SGCZ: variants seen among roughly 807,000 people sequenced by gnomAD.
SGCZ encodes zeta-sarcoglycan.
SGCZ carries 40 observed loss-of-function variants against 41.3 expected under a neutral mutation model. The observed-to-expected ratio is 0.97, with a 90% CI of 0.75 to 1.26. The LOEUF is 1.26. SGCZ is among the 50% of genes most tolerant of loss of function. The probability of loss-of-function intolerance (pLI) is 0.00; values close to 1 mark genes in which losing one functional copy is unlikely to be tolerated. For missense variants in SGCZ, 552 were observed against 369.8 expected (o/e 1.49, Z -4.04); for synonymous variants, 206 against 137.5 (o/e 1.50, Z -3.49).
intron 1 of SGCZ, among the ~76,000 whole-genome samples, chr8:15,152,553 C>G (rs1031005045): frequency 2.0e-5 from 3 of 152,126 alleles, no homozygotes; most frequent in African/African-American, 4.8e-5. Flanking sequence ...TTGTGAAACA[C>G]GACAGAAGAG....
intron 3 of SGCZ, among the ~76,000 whole-genome samples, chr8:14,273,715 A>G (rs1372813972): frequency 6.6e-6 from 1 of 152,092 alleles, no homozygotes; most frequent in Admixed American, 6.6e-5. Context: ...TCAATATCCA[A>G]CCTTAACCAA....
intron 1 of SGCZ, among the ~76,000 whole-genome samples, chr8:14,965,985 G>A (rs1362250904): frequency 6.6e-6 from 1 of 152,100 alleles, no homozygotes; most frequent in East Asian, 1.9e-4. Flanking sequence ...ATGCTCTCAA[G>A]CAGCACTGAA....
At chr8:14,850,783 G>C (rs1458237563) in intron 1 of SGCZ, among the ~76,000 whole-genome samples, 1 of 152,122 alleles carries the variant, frequency 6.6e-6, no homozygotes, top group Non-Finnish European at 1.5e-5. Context: ...ATGATAGTGA[G>C]TGAGTTCTCA....
chr8:14,725,733 C>A (rs1810027435), intron 1 of SGCZ, among the ~76,000 whole-genome samples: 1 of 152,098 alleles, frequency 6.6e-6, no homozygotes, highest in Admixed American at 6.5e-5. Flanking sequence ...GGAGTGTTTT[C>A]TGAGTAGTTA....
At chr8:14,458,096 G>C (rs1800801580) in intron 2 of SGCZ, among the ~76,000 whole-genome samples, 1 of 152,114 alleles carries the variant, frequency 6.6e-6, no homozygotes, top group South Asian at 2.1e-4. Flanking sequence ...AGCAATGTGA[G>C]AAAAGACTAG....
At chr8:14,475,608 A>G (rs1563353994) in intron 2 of SGCZ, among the ~76,000 whole-genome samples, 1 of 152,184 alleles carries the variant, frequency 6.6e-6, no homozygotes, top group Non-Finnish European at 1.5e-5. Flanking sequence ...TATTTACAAG[A>G]CAACTTTGTG....
rs73664120 is a variant in SGCZ at position 14,143,750 on chromosome 8, T to C, written c.547+20830A>G. 1.8e-3 allele frequency among the ~76,000 whole-genome samples: 278 copies of C among 152,196 alleles called. 2 individuals are homozygous for C. Among genetic ancestry groups the C allele is most frequent in the African/African-American group, 6.4e-3 (267 of 41,550 alleles). On this transcript the variant is annotated intron_variant, in intron 5 of 7. Transcript: ENST00000382080. ...GCATGAAGAGATAAAGAGCCCTAAA[T>C]GGTCAATGCCACCCTTCCCCTCTAC...
chr8:14,726,622 A>G (rs965787801), intron 1 of SGCZ, among the ~76,000 whole-genome samples: 1 of 151,984 alleles, frequency 6.6e-6, no homozygotes, highest in African/African-American at 2.4e-5. Flanking sequence ...CAATTTTGAG[A>G]AATTATTAAT....
At chr8:14,309,113 C>G (rs531512681) in intron 3 of SGCZ, 1 of 1,463,470 alleles carries the variant, frequency 6.8e-7, no homozygotes, top group East Asian at 2.3e-5. Context: ...TAACCCAGAA[C>G]ACTATATTAA....
chr8:14,589,686 T>C (rs1461302575), intron 1 of SGCZ, among the ~76,000 whole-genome samples: 1 of 152,214 alleles, frequency 6.6e-6, no homozygotes, highest in African/African-American at 2.4e-5. Flanking sequence ...ACATAGATAT[T>C]TCCTTCAGTG....
At chr8:14,817,222 G>C (rs1254100919) in intron 1 of SGCZ, among the ~76,000 whole-genome samples, 2 of 152,132 alleles carry the variant, frequency 1.3e-5, no homozygotes, top group Non-Finnish European at 2.9e-5. Flanking sequence ...AGAGGGGATG[G>C]AGGCACCTGC....
intron 1 of SGCZ, among the ~76,000 whole-genome samples, chr8:14,846,372 T>C (rs927741342): frequency 2.0e-5 from 3 of 151,576 alleles, no homozygotes; most frequent in African/African-American, 7.3e-5. Context: ...ACTTAATATA[T>C]ACAATTAAAA....
At chr8:14,150,746 A>G (rs973601175) in intron 5 of SGCZ, among the ~76,000 whole-genome samples, 8 of 152,180 alleles carry the variant, frequency 5.3e-5, no homozygotes, top group Non-Finnish European at 8.8e-5. Context: ...AGCATTGTTT[A>G]CAATAGTCAA....
At chr8:14,612,444 A>G (rs972890898) in intron 1 of SGCZ, among the ~76,000 whole-genome samples, 1 of 152,140 alleles carries the variant, frequency 6.6e-6, no homozygotes, top group Non-Finnish European at 1.5e-5. Context: ...AGGAAGTGTG[A>G]GTCAATTAAG....
chr8:14,412,850 A>T (rs1040367506), intron 2 of SGCZ, among the ~76,000 whole-genome samples: 1 of 152,204 alleles, frequency 6.6e-6, no homozygotes, highest in African/African-American at 2.4e-5. Flanking sequence ...TGACATTCTG[A>T]AACTTGATAG....
intron 1 of SGCZ, among the ~76,000 whole-genome samples, chr8:14,767,784 G>C (rs1217862487): frequency 6.6e-6 from 1 of 152,148 alleles, no homozygotes; most frequent in Non-Finnish European, 1.5e-5. Context: ...TTCAAATTCT[G>C]TGTAAAGCAC....
At chr8:14,624,743 G>C (rs183128562) in intron 1 of SGCZ, among the ~76,000 whole-genome samples, 13 of 151,030 alleles carry the variant, frequency 8.6e-5, no homozygotes, top group Admixed American at 4.0e-4. Flanking sequence ...GCTAATTTTT[G>C]TATTTTTAGT....
At chr8:14,592,497 A>G (rs903233466) in intron 1 of SGCZ, among the ~76,000 whole-genome samples, 2 of 152,060 alleles carry the variant, frequency 1.3e-5, no homozygotes, top group Non-Finnish European at 2.9e-5. Flanking sequence ...TATCTCTTCC[A>G]AGTTTTTATG....
intron 2 of SGCZ, among the ~76,000 whole-genome samples, chr8:14,514,974 T>C (rs1000682397): frequency 1.3e-5 from 2 of 151,950 alleles, no homozygotes; most frequent in Non-Finnish European, 2.9e-5. Context: ...ATTCCGATTA[T>C]AATTGCTTGT....
Sources: gnomAD v4.1 joint callset for allele counts (sites outside exome capture counted in the v4.1 genomes callset) on GRCh38, gnomAD v4.1.1 for gene constraint, MANE v1.5 for transcripts, NCBI Gene and HGNC (gene_info 2026-07-23, HGNC 2026-07-21) for gene names.